The following CCDC91 variants were observed in gnomAD, a reference collection of about 807,000 sequenced individuals.
CCDC91 encodes coiled-coil domain containing 91, also known as coiled-coil domain-containing protein 91.
A neutral mutation model predicts 63.2 loss-of-function variants in CCDC91; 48 were observed. The observed-to-expected ratio is 0.76, with a 90% CI of 0.60 to 0.97. CCDC91 has a LOEUF of 0.97. Ranked by LOEUF, CCDC91 falls within the 50% of genes least tolerant of loss-of-function variation. The probability of loss-of-function intolerance (pLI) is 0.00; values close to 1 mark genes in which losing one functional copy is unlikely to be tolerated. For synonymous variants in CCDC91, 167 were observed against 165.8 expected, an observed-to-expected ratio of 1.01 and a Z score of -0.06; for missense variants, 500 against 494.6, an observed-to-expected ratio of 1.01 and a Z score of -0.10.
intron 8 of CCDC91, 42 bp downstream of exon 8, chr12:28,391,453 CT>C (rs765853004): frequency 2.5e-6 from 3 of 1,186,426 alleles, no homozygotes; most frequent in Admixed American, 3.4e-5. Context: ...TACTTTTCCC[CT>C]GACTCTCTCC....
intron 8 of CCDC91, among the ~76,000 whole-genome samples, chr12:28,449,064 T>A (rs1414576148): frequency 6.6e-6 from 1 of 152,094 alleles, no homozygotes; most frequent in South Asian, 2.1e-4. Context: ...TATCACAGTT[T>A]GGATTTGTTT....
intron 3 of CCDC91, among the ~76,000 whole-genome samples, chr12:28,273,394 A>G (rs1410503708): frequency 6.6e-6 from 1 of 152,174 alleles, no homozygotes; most frequent in Non-Finnish European, 1.5e-5. Context: ...TTCTAGTTCT[A>G]GATCCCTGAG....
At chr12:28,515,829 C>T (rs1939877805) in intron 12 of CCDC91, among the ~76,000 whole-genome samples, 1 of 151,822 alleles carries the variant, frequency 6.6e-6, no homozygotes, top group African/African-American at 2.4e-5. Context: ...ACCTGTGTAA[C>T]AAGGACCCAG....
At chr12:28,447,021 A>G (rs574322023) in intron 8 of CCDC91, among the ~76,000 whole-genome samples, 57 of 152,250 alleles carry the variant, frequency 3.7e-4, no homozygotes, top group African/African-American at 1.4e-3. Flanking sequence ...TTATTGTTAG[A>G]AAAGGTGTAA....
chr12:28,497,123 T>C (rs1318714590), intron 12 of CCDC91, among the ~76,000 whole-genome samples: 1 of 151,310 alleles, frequency 6.6e-6, no homozygotes, highest in African/African-American at 2.4e-5. Context: ...AATTTCTTTC[T>C]ACTAAATTCA....
At chr12:28,509,843 T>C (rs2141263359) in intron 12 of CCDC91, among the ~76,000 whole-genome samples, 1 of 152,100 alleles carries the variant, frequency 6.6e-6, no homozygotes, top group South Asian at 2.1e-4. Flanking sequence ...GTAAAGACTA[T>C]TTCTAGTCCA....
intron 11 of CCDC91, among the ~76,000 whole-genome samples, chr12:28,460,761 A>C (rs766240771): frequency 6.6e-6 from 1 of 151,722 alleles, no homozygotes; most frequent in Admixed American, 6.6e-5. Context: ...AAAAATATCA[A>C]AGGGATATTA....
At chr12:28,316,651 G>A (rs1403673031) in intron 6 of CCDC91, among the ~76,000 whole-genome samples, 1 of 128,194 alleles carries the variant, frequency 7.8e-6, no homozygotes, top group East Asian at 2.5e-4. Flanking sequence ...GCATTGTATG[G>A]GATTCAACTA....
At position 28,421,944 on chromosome 12, in the gene CCDC91, C is replaced by T. The variant is rs562721756; in HGVS notation, c.763-28217C>T. Among the ~76,000 whole-genome samples, 146 of 152,182 alleles carry T rather than the reference C, an allele frequency of 9.6e-4. 3 individuals are homozygous for T. Among genetic ancestry groups the T allele is most frequent in the South Asian group, 1.7e-3 (8 of 4,826 alleles). ...TTGCTGATCCTTGAGATTGACATCA[C>T]TTTGTAAGGAGTCTTGAGTACTTGT... On this transcript the variant is annotated intron_variant, in intron 8 of 12. Transcript: ENST00000536442.
intron 6 of CCDC91, among the ~76,000 whole-genome samples, chr12:28,343,202 AT>A (rs1210500609): frequency 1.4e-5 from 2 of 144,836 alleles, no homozygotes; most frequent in African/African-American, 2.6e-5. Context: ...TGTGTAATAT[AT>A]ATATATATAT....
intron 3 of CCDC91, among the ~76,000 whole-genome samples, chr12:28,285,247 C>T (rs1253453296): frequency 3.3e-5 from 5 of 152,044 alleles, no homozygotes; most frequent in Non-Finnish European, 7.4e-5. Context: ...AAGGGGCTTT[C>T]GAGATGAACA....
intron 12 of CCDC91, among the ~76,000 whole-genome samples, chr12:28,534,571 G>A (rs566235131): frequency 2.0e-5 from 3 of 152,176 alleles, no homozygotes; most frequent in East Asian, 3.9e-4. Context: ...CCTGTCTACG[G>A]GACATGTGTA....
chr12:28,442,939 A>G (rs916827628), intron 8 of CCDC91, among the ~76,000 whole-genome samples: 1 of 152,070 alleles, frequency 6.6e-6, no homozygotes, highest in African/African-American at 2.4e-5. Flanking sequence ...ATAAGAAGAA[A>G]GGCCTGTATA....
chr12:28,417,222 T>G (rs1592611373), intron 8 of CCDC91, among the ~76,000 whole-genome samples: 1 of 152,116 alleles, frequency 6.6e-6, no homozygotes, highest in Non-Finnish European at 1.5e-5. Flanking sequence ...CTTATCTTAT[T>G]TGTGATGTTG....
chr12:28,260,206 AATG>A (rs1339425142), intron 3 of CCDC91, among the ~76,000 whole-genome samples: 1 of 152,016 alleles, frequency 6.6e-6, no homozygotes, highest in Non-Finnish European at 1.5e-5. Context: ...ATTTGGGAAG[AATG>A]ATGATTTTAT....
intron 8 of CCDC91, among the ~76,000 whole-genome samples, chr12:28,420,620 A>T (rs899921206): frequency 2.6e-5 from 4 of 152,142 alleles, no homozygotes; most frequent in Admixed American, 6.6e-5. Context: ...GAAGAAGAAA[A>T]GCAAACCCAG....
intron 1 of CCDC91, among the ~76,000 whole-genome samples, chr12:28,211,024 C>T (rs1443868148): frequency 2.0e-5 from 3 of 149,602 alleles, no homozygotes; most frequent in Non-Finnish European, 4.4e-5. Context: ...GCGAGGCTTC[C>T]AGGGTTTTAG....
chr12:28,423,004 C>T (rs1267357543), intron 8 of CCDC91, among the ~76,000 whole-genome samples: 1 of 151,804 alleles, frequency 6.6e-6, no homozygotes, highest in Non-Finnish European at 1.5e-5. Context: ...ATTAATCTCC[C>T]TCAATACAAA....
chr12:28,544,108 C>T (rs1643914498), intron 12 of CCDC91, among the ~76,000 whole-genome samples: 1 of 151,818 alleles, frequency 6.6e-6, no homozygotes, highest in South Asian at 2.1e-4. Flanking sequence ...CTGCTGAAAA[C>T]TCTCCAATGT....
Sources: gnomAD v4.1 joint callset for allele counts (sites outside exome capture counted in the v4.1 genomes callset) on GRCh38, gnomAD v4.1.1 for gene constraint, MANE v1.5 for transcripts, NCBI Gene and HGNC (gene_info 2026-07-23, HGNC 2026-07-21) for gene names.